The following SLC11A2 variants were observed in gnomAD, a reference collection of about 807,000 sequenced individuals.
The protein encoded by SLC11A2 is solute carrier family 11 member 2.
In SLC11A2, 38 loss-of-function variants were observed where a neutral mutation model predicts 68.0. That is an observed-to-expected ratio of 0.56 (90% CI 0.43 to 0.73). SLC11A2 has a LOEUF of 0.73. SLC11A2 is among the 30% of genes least tolerant of loss of function. The probability of loss-of-function intolerance (pLI) is 0.00; values close to 1 mark genes in which losing one functional copy is unlikely to be tolerated. For missense variants in SLC11A2, 517 were observed against 690.5 expected (o/e 0.75, Z 2.82); for synonymous variants, 242 against 250.6 (o/e 0.97, Z 0.32).
At chr12:50,955,233 G>A in the SLC11A2 span, among the ~76,000 whole-genome samples, 46 of 151,900 alleles carry the variant, frequency 3.0e-4, no homozygotes, top group African/African-American at 8.9e-4. Context: ...GTAGAGGTTG[G>A]GTGCAGAGCG....
chr12:51,026,620 G>C (rs553202976), upstream of SLC11A2, among the ~76,000 whole-genome samples: 5 of 152,126 alleles, frequency 3.3e-5, no homozygotes, highest in South Asian at 1.0e-3. Context: ...ACAGCCCCTG[G>C]ACTGGGGAGC....
chr12:50,964,902 A>G, the SLC11A2 span, among the ~76,000 whole-genome samples: 1 of 152,106 alleles, frequency 6.6e-6, no homozygotes, highest in South Asian at 2.1e-4. Context: ...TTTTTCAAAG[A>G]CTTTTTGTAG....
chr12:51,021,105 G>T (rs1944012966), intron 1 of SLC11A2, among the ~76,000 whole-genome samples: 1 of 151,934 alleles, frequency 6.6e-6, no homozygotes, highest in Admixed American at 6.6e-5. Flanking sequence ...AAAAAGAGGG[G>T]GATTATAATT....
the SLC11A2 span, among the ~76,000 whole-genome samples, chr12:50,953,496 G>A: frequency 6.6e-6 from 1 of 152,218 alleles, no homozygotes; most frequent in South Asian, 2.1e-4. Context: ...TAGGTGCTTG[G>A]TAAATATCTG....
chr12:51,008,406 A>T, intron 3 of SLC11A2, 70 bp downstream of exon 3: 1 of 1,360,090 alleles, frequency 7.4e-7, no homozygotes, highest in Non-Finnish European at 1.0e-6. Flanking sequence ...AACTTGAGCC[A>T]TCCAGCAGAT....
At position 50,990,848 on chromosome 12, in the gene SLC11A2, A is replaced by G. The variant is rs200740104; in HGVS notation, c.1522T>C (p.Tyr508His). The G allele has an allele frequency of 6.2e-7, 1 of 1,614,184 alleles. No homozygotes were observed. The highest frequency in any genetic ancestry group is 8.5e-7 in the Non-Finnish European group (1 of 1,179,994). Reference sequence around the variant, plus strand: ...ACGCTGACCACAGCAGCCACCACATATAATGCCACATGCCCTAGGTCCCGG... The same window carrying G: ...ACGCTGACCACAGCAGCCACCACATGTAATGCCACATGCCCTAGGTCCCGG... ...YVRDLGHVAL[Y>H]VVAAVVSVAY... is the part of the protein sequence containing the mutation. The change falls in exon 15 of 16, where the codon TAT becomes CAT. Residue 508 changes from tyrosine (Y) to histidine (H), a missense_variant. Coordinates refer to ENST00000262052, the MANE Select transcript of SLC11A2 (RefSeq NM_000617.3).
At chr12:50,992,681 G>A (rs1281828421) in intron 12 of SLC11A2, 129 bp downstream of exon 12, 26 of 973,656 alleles carry the variant, frequency 2.7e-5, no homozygotes, top group African/African-American at 3.4e-5. Context: ...GCAGTGAGCC[G>A]AGATCATGCC....
chr12:50,999,235 C>T lies in SLC11A2; in HGVS notation c.614G>A (p.Arg205Gln). Residue 205 changes from arginine to glutamine, a missense_variant, in exon 8 of 16, where the codon CGG becomes CAG. Transcript: ENST00000262052. ...VFLFLDKYGL[R>Q]KLEAFFGFLI... ...AAAGCCAAAAAATGCTTCTAGCTTC[C>T]GCAAGCCTAAAGGAAAAAAGGCAGC... 5.6e-6 allele frequency: 9 copies of T among 1,614,036 alleles called. No homozygotes were observed. The highest frequency in any genetic ancestry group is 6.8e-6 in the Non-Finnish European group (8 of 1,179,978).
chr12:50,982,495 C>A (rs1308803475), downstream of SLC11A2, among the ~76,000 whole-genome samples: 1 of 152,156 alleles, frequency 6.6e-6, no homozygotes, highest in Non-Finnish European at 1.5e-5. Context: ...GGTGTGGTGG[C>A]ACACACCTGT....
the SLC11A2 span, among the ~76,000 whole-genome samples, chr12:50,957,815 G>A: frequency 1.3e-5 from 2 of 151,992 alleles, no homozygotes; most frequent in Non-Finnish European, 2.9e-5. Context: ...AACCCTGGAG[G>A]TGGGGGTTGC....
At chr12:51,021,568 G>A (rs540858668) in intron 1 of SLC11A2, among the ~76,000 whole-genome samples, 2 of 151,832 alleles carry the variant, frequency 1.3e-5, no homozygotes, top group East Asian at 1.9e-4. Flanking sequence ...CAGAGGTTGC[G>A]GTGAGCTGAG....
chr12:51,012,592 G>C (rs1943321100), intron 1 of SLC11A2, among the ~76,000 whole-genome samples: 1 of 151,998 alleles, frequency 6.6e-6, no homozygotes, highest in Admixed American at 6.6e-5. Flanking sequence ...TCAGGTTTTG[G>C]GTAATCTTTC....
At chr12:50,968,179 C>T in the SLC11A2 span, among the ~76,000 whole-genome samples, 1 of 152,056 alleles carries the variant, frequency 6.6e-6, no homozygotes, top group Admixed American at 6.6e-5. Context: ...GACCTTAAAA[C>T]ATTTTTGGAG....
At chr12:50,964,066 T>C in the SLC11A2 span, among the ~76,000 whole-genome samples, 2 of 152,222 alleles carry the variant, frequency 1.3e-5, no homozygotes, top group Non-Finnish European at 1.5e-5. Context: ...TGATATCCTA[T>C]GACTTAAATC....
At chr12:50,961,510 A>C in the SLC11A2 span, among the ~76,000 whole-genome samples, 2 of 145,254 alleles carry the variant, frequency 1.4e-5, no homozygotes, top group African/African-American at 5.0e-5. Flanking sequence ...CTTAGGAAGA[A>C]GACATTTTTA....
At chr12:50,969,883 A>G in the SLC11A2 span, among the ~76,000 whole-genome samples, 1 of 152,072 alleles carries the variant, frequency 6.6e-6, no homozygotes, top group Non-Finnish European at 1.5e-5. Flanking sequence ...CTTTTGGGTG[A>G]GAACATTTGC....
chr12:50,960,963 C>T, the SLC11A2 span: 1 of 1,562,960 alleles, frequency 6.4e-7, no homozygotes, highest in Non-Finnish European at 8.7e-7. Context: ...TTTTAAAATT[C>T]ACAGGTATAG....
In SLC11A2 at chr12:50,990,637, T is replaced by C; in HGVS notation, c.1575+158A>G. ...GTTGCCCAGATTGGTCTCTAACTCCTGGATTCAAGCAATCCTCCCGCCTCA... is the reference window on the plus strand; with the variant it reads ...GTTGCCCAGATTGGTCTCTAACTCCCGGATTCAAGCAATCCTCCCGCCTCA... On this transcript the variant is annotated intron_variant, in intron 15 of 15. Transcript: ENST00000262052. 3 of 715,962 alleles carry C rather than the reference T, an allele frequency of 4.2e-6. No homozygotes were observed. In the East Asian group the frequency reaches 7.6e-5, roughly 18 times the overall value. The allele number at this position is 715,962 out of a possible 1,614,324, so 44.4% of individuals were successfully genotyped here.
chr12:50,971,688 G>A, the SLC11A2 span, among the ~76,000 whole-genome samples: 5 of 152,092 alleles, frequency 3.3e-5, no homozygotes, highest in Admixed American at 3.3e-4. Context: ...AAGACTCCAA[G>A]CCTAGGAGAG....
Sources: gnomAD v4.1 joint callset for allele counts (sites outside exome capture counted in the v4.1 genomes callset) on GRCh38, gnomAD v4.1.1 for gene constraint, MANE v1.5 for transcripts, NCBI Gene and HGNC (gene_info 2026-07-23, HGNC 2026-07-21) for gene names.